PMPCA: variants seen among roughly 807,000 people sequenced by gnomAD.
PMPCA encodes mitochondrial-processing peptidase subunit alpha.
A neutral mutation model predicts 59.3 loss-of-function variants in PMPCA; 47 were observed. The ratio of observed to expected loss-of-function variants is 0.79; its 90% CI spans 0.63 to 1.01. The LOEUF (loss-of-function observed/expected upper bound fraction) is 1.01, where lower values mean the gene tolerates loss of function less well. Ranked by LOEUF, PMPCA falls within the 50% of genes least tolerant of loss-of-function variation. The pLI is 0.00. For synonymous variants in PMPCA, 338 were observed against 290.3 expected (o/e 1.16, Z -1.67); for missense variants, 726 against 704.5 (o/e 1.03, Z -0.34).
At chr9:136,415,790 G>A (rs896122770) in intron 5 of PMPCA, among the ~76,000 whole-genome samples, 2 of 152,118 alleles carry the variant, frequency 1.3e-5, no homozygotes, top group Admixed American at 1.3e-4. Flanking sequence ...CCGCCACCGC[G>A]CCCAGTTAAT....
At chr9:136,422,339 G>A (rs1451636744) in intron 12 of PMPCA, 1 of 1,168,456 alleles carries the variant, frequency 8.6e-7, no homozygotes, top group African/African-American at 1.6e-5. Context: ...GGCTCGGAAT[G>A]CCGCTGTACC....
At chr9:136,416,510 C>T (rs1660264150) in intron 6 of PMPCA, 119 bp downstream of exon 6, 2 of 766,250 alleles carry the variant, frequency 2.6e-6, no homozygotes, top group Non-Finnish European at 4.6e-6. Context: ...ATATACAGAA[C>T]ATTTTTTTGT....
Position 136,423,257 on chromosome 9 carries a change from T to C in PMPCA, c.1571T>C (p.Phe524Ser). The change falls in exon 13 of 13, where the codon TTC becomes TCC. Residue 524 changes from phenylalanine to serine, a missense_variant. Transcript: ENST00000371717. ...DGRLPRTYRL[F>S]R ...CGCCTGCCCAGGACGTACCGGCTCT[T>C]CCGGTAGAACCGCTCCCCGGCCTGA... 6.2e-7 allele frequency: 1 copy of C among 1,611,664 alleles called. No homozygotes were observed. Among genetic ancestry groups the C allele is most frequent in the Non-Finnish European group, 8.5e-7 (1 of 1,179,238 alleles).
chr9:136,412,229 C>A, intron 2 of PMPCA, 30 bp downstream of exon 2: 1 of 1,516,164 alleles, frequency 6.6e-7, no homozygotes, highest in Non-Finnish European at 9.2e-7. Context: ...CGTGGGTGGT[C>A]CCGCAGTTTT....
At position 136,412,012 on chromosome 9, in the gene PMPCA, G is replaced by A. The variant is rs201155751; in HGVS notation, c.87G>A (p.Ala29=). The part of the protein sequence containing the change: ...GCSRLRFGPP[A]YRRFSSGGAY... ...TCTGTTTTAGGTTTGGACCTCCTGC[G>A]TACAGACGGTTTAGTAGTGGTGGTG... Residue 29 remains alanine (A), a synonymous_variant, in exon 2 of 13, where the codon GCG becomes GCA. Transcript: ENST00000371717. The A allele has an allele frequency of 3.1e-5, 50 of 1,610,750 alleles. No homozygotes were observed. The highest frequency in any genetic ancestry group is 1.7e-4 in the Middle Eastern group (1 of 6,048).
At chr9:136,423,017 C>T (rs1415337511) in intron 12 of PMPCA, 78 bp from the exon 13 acceptor site, 11 of 1,508,676 alleles carry the variant, frequency 7.3e-6, no homozygotes, top group South Asian at 6.5e-5. Context: ...CAGCCGCCCC[C>T]TCCGTGTGTT....
At chr9:136,410,779 GC>G in intron 1 of PMPCA, 40 bp downstream of exon 1, 1 of 1,365,910 alleles carries the variant, frequency 7.3e-7, no homozygotes, top group Non-Finnish European at 9.4e-7. Context: ...TGGGGCGGGG[GC>G]GGCTCGAGTC....
Position 136,418,925 on chromosome 9 carries a change from G to A in PMPCA, c.1200+7G>A, listed in dbSNP as rs368853214. 6.2e-7 allele frequency: 1 copy of A among 1,612,498 alleles called. No individual in the cohort carries two copies. The highest frequency in any genetic ancestry group is 1.7e-5 in the Admixed American group (1 of 60,022). ...CAGCGCCGACCCAAGACAGGTGAGGGCCCCGCCTGCCACCGTCCTCAGTGC... is the reference window on the plus strand; with the variant it reads ...CAGCGCCGACCCAAGACAGGTGAGGACCCCGCCTGCCACCGTCCTCAGTGC... On this transcript the variant is annotated splice_region_variant and intron_variant, in intron 10 of 12. Coordinates refer to ENST00000371717, the MANE Select transcript of PMPCA (RefSeq NM_015160.3).
At chr9:136,410,810 C>T (rs776021017) in intron 1 of PMPCA, 71 bp downstream of exon 1, 2 of 1,256,280 alleles carry the variant, frequency 1.6e-6, no homozygotes, top group East Asian at 2.9e-5. Flanking sequence ...GCTCCGTCTT[C>T]GGTTTCTACA....
intron 4 of PMPCA, among the ~76,000 whole-genome samples, chr9:136,414,295 A>G (rs565778663): frequency 5.9e-5 from 9 of 152,352 alleles, no homozygotes; most frequent in African/African-American, 2.2e-4. Flanking sequence ...AAAGGGGAAA[A>G]GTGTCTGCTG....
intron 11 of PMPCA, chr9:136,420,427 C>T (rs1835417468): frequency 6.6e-6 from 1 of 152,182 alleles, no homozygotes; most frequent in Non-Finnish European, 1.5e-5. Context: ...TCTCGGCCTC[C>T]CAAAGTGCTG....
At chr9:136,410,881 G>A in intron 1 of PMPCA, 142 bp downstream of exon 1, 1 of 627,934 alleles carries the variant, frequency 1.6e-6, no homozygotes, top group East Asian at 3.5e-5. Flanking sequence ...CCGAGGCGAC[G>A]GGGGCCCTGC....
chr9:136,414,481 C>G, intron 4 of PMPCA, 72 bp from the exon 5 acceptor site: 1 of 1,026,844 alleles, frequency 9.7e-7, no homozygotes, highest in East Asian at 2.4e-5. Context: ...CACGCAAAGC[C>G]CGAGCGTCCC....
chr9:136,421,934 A>G lies in PMPCA; in HGVS notation c.1366A>G (p.Thr456Ala). 1 of 1,612,662 alleles carries G rather than the reference A, an allele frequency of 6.2e-7. No individual in the cohort carries two copies. The highest frequency in any genetic ancestry group is 8.5e-7 in the Non-Finnish European group (1 of 1,179,818). ...FEDVGRQVLA[T>A]RSRKLPHELC... is the part of the protein sequence containing the mutation. ...GGATGTGGGGAGGCAGGTGCTGGCC[A>G]CTCGCTCCAGAAAGCTGCCGCACGA... is the stretch of plus-strand genomic sequence containing the variant. The change falls in exon 12 of 13, where the codon ACT (threonine) becomes GCT (alanine). Residue 456 changes from threonine to alanine, a missense_variant. By Grantham distance (58) the Thr-to-Ala change is moderately conservative. Coordinates refer to ENST00000371717, the MANE Select transcript of PMPCA (RefSeq NM_015160.3).
chr9:136,421,855 G>T lies in PMPCA; in HGVS notation c.1287G>T (p.Thr429=), dbSNP rs376312798. ...AGGTGGAGCTGGAACGAGCCAAGAC[G>T]CAGCTGACATCAATGCTCATGATGA... is the stretch of plus-strand genomic sequence containing the variant. The part of the protein sequence containing the change: ...VDTVELERAK[T]QLTSMLMMNL... Residue 429 remains threonine (T), a synonymous_variant, in exon 12 of 13, where the codon ACG becomes ACT. Coordinates refer to ENST00000371717, the MANE Select transcript of PMPCA (RefSeq NM_015160.3). 6.3e-7 allele frequency: 1 copy of T among 1,599,274 alleles called. No homozygotes were observed. The highest frequency in any genetic ancestry group is 1.3e-5 in the African/African-American group (1 of 74,662).
intron 2 of PMPCA, 96 bp downstream of exon 2, chr9:136,412,295 T>C: frequency 1.0e-6 from 1 of 980,500 alleles, no homozygotes; most frequent in East Asian, 2.4e-5. Flanking sequence ...AATTATGAAT[T>C]GTACCCTGAG....
chr9:136,421,637 C>T (rs1564425551), intron 11 of PMPCA, among the ~76,000 whole-genome samples, 195 bp from the exon 12 acceptor site: 1 of 152,184 alleles, frequency 6.6e-6, no homozygotes, highest in East Asian at 1.9e-4. Flanking sequence ...TGGTCTCAAT[C>T]TCCTGACCTC....
intron 11 of PMPCA, among the ~76,000 whole-genome samples, chr9:136,421,196 T>C (rs1364268036): frequency 6.6e-6 from 1 of 152,264 alleles, no homozygotes; most frequent in Non-Finnish European, 1.5e-5. Context: ...GATTTTGCCG[T>C]GTGGCCACTT....
In PMPCA at chr9:136,423,211, G is replaced by T; in HGVS notation, c.1525G>T (p.Ala509Ser). 2 of 1,613,620 alleles carry T rather than the reference G, an allele frequency of 1.2e-6. No individual in the cohort carries two copies. The highest frequency in any genetic ancestry group is 1.7e-6 in the Non-Finnish European group (2 of 1,180,030). ...DLPTYEHIQTALSSKDGRLPR... is the reference protein window; with the variant it reads ...DLPTYEHIQTSLSSKDGRLPR... ...GCCCACGTATGAGCACATCCAGACCGCCCTGTCGAGTAAGGACGGGCGCCT... is the reference window on the plus strand; with the variant it reads ...GCCCACGTATGAGCACATCCAGACCTCCCTGTCGAGTAAGGACGGGCGCCT... Residue 509 changes from alanine (A) to serine (S), a missense_variant, in exon 13 of 13, where the codon GCC becomes TCC. Coordinates refer to ENST00000371717, the MANE Select transcript of PMPCA (RefSeq NM_015160.3).
Sources: allele counts gnomAD v4.1 joint callset (sites outside exome capture counted in the v4.1 genomes callset), GRCh38; gene constraint gnomAD v4.1.1; transcripts MANE v1.5; gene names NCBI Gene and HGNC (gene_info 2026-07-23, HGNC 2026-07-21).